Variants in TMEM131 observed in about 807,000 individuals in gnomAD.
The protein encoded by TMEM131 is 2610524E03Rik.
TMEM131 carries 66 observed loss-of-function variants against 211.6 expected under a neutral mutation model. The ratio of observed to expected loss-of-function variants is 0.31; its 90% CI spans 0.26 to 0.38. TMEM131 has a LOEUF of 0.38. Among genes scored for constraint, TMEM131 ranks in the 10% least tolerant of loss-of-function variants. The probability of loss-of-function intolerance (pLI) is 1.00; values close to 1 mark genes in which losing one functional copy is unlikely to be tolerated. For missense variants in TMEM131, 2,036 were observed against 2,299.3 expected, an observed-to-expected ratio of 0.89 and a Z score of 2.34; for synonymous variants, 844 against 841.3, an observed-to-expected ratio of 1.00 and a Z score of -0.06.
intron 4 of TMEM131, among the ~76,000 whole-genome samples, chr2:97,860,487 T>G (rs1229245949): frequency 6.6e-6 from 1 of 152,242 alleles, no homozygotes; most frequent in Non-Finnish European, 1.5e-5. Context: ...AAAGTATGCA[T>G]ATAAACCTCA....
At chr2:97,779,871 C>G (rs935611276) in intron 31 of TMEM131, among the ~76,000 whole-genome samples, 1 of 151,978 alleles carries the variant, frequency 6.6e-6, no homozygotes, top group Non-Finnish European at 1.5e-5. Flanking sequence ...TAAAATAAAA[C>G]TAGCTGGGTG....
Position 97,792,390 on chromosome 2 carries a change from G to A in TMEM131, c.4140C>T (p.Ser1380=), listed in dbSNP as rs976472521. 11 of 1,567,952 alleles carry A rather than the reference G, an allele frequency of 7.0e-6. No individual in the cohort carries two copies. In the African/African-American group the frequency reaches 8.2e-5, roughly 12 times the overall value. ...TEQPPSPLPK[S]KGKGKPLQRK... ...CCGGCAGTGGGAGATGATTACCTTT[G>A]CTTTTTGGCAATGGCGATGGAGGCT... Residue 1380 remains serine, a synonymous_variant, in exon 31 of 41, where the codon AGC becomes AGT. Transcript: ENST00000186436.
At chr2:97,869,539 G>A (rs141300997) in intron 4 of TMEM131, among the ~76,000 whole-genome samples, 1 of 152,338 alleles carries the variant, frequency 6.6e-6, no homozygotes, top group Non-Finnish European at 1.5e-5. Flanking sequence ...CAAGAACAGA[G>A]GGAAGCTGTC....
At position 97,792,962 on chromosome 2, in the gene TMEM131, G is replaced by A. The variant is rs1680576933; in HGVS notation, c.3568C>T (p.Pro1190Ser). ...EGNLNTLSCD[P>S]GHSRGFCGAG... ...CCACAGAACCCCCTACTGTGACCGGGGTCACAGCTGAGTGTGTTCAAGCTG... is the reference window on the plus strand; with the variant it reads ...CCACAGAACCCCCTACTGTGACCGGAGTCACAGCTGAGTGTGTTCAAGCTG... The change falls in exon 31 of 41, where the codon CCC becomes TCC. Residue 1190 changes from proline (P) to serine (S), a missense_variant. Pro to Ser is a moderately conservative substitution (Grantham distance 74). Transcript: ENST00000186436. 1 of 1,590,802 alleles carries A rather than the reference G, an allele frequency of 6.3e-7. No homozygotes were observed. The highest frequency in any genetic ancestry group is 1.3e-5 in the African/African-American group (1 of 74,308).
At chr2:97,818,356 TA>T (rs753114674) in intron 12 of TMEM131, among the ~76,000 whole-genome samples, 1 of 151,816 alleles carries the variant, frequency 6.6e-6, no homozygotes, top group Non-Finnish European at 1.5e-5. Flanking sequence ...ATTCCAATCC[TA>T]ATGTATTTGC....
At chr2:97,925,939 T>C (rs932924432) in intron 2 of TMEM131, among the ~76,000 whole-genome samples, 4 of 151,796 alleles carry the variant, frequency 2.6e-5, no homozygotes, top group African/African-American at 4.8e-5. Context: ...TGAAACCCCG[T>C]CTGTACTAAA....
chr2:97,784,335 CAACACATTTAAAAGAAGTGAAATCATTT>C (rs1166699898), intron 31 of TMEM131, among the ~76,000 whole-genome samples: 2 of 152,056 alleles, frequency 1.3e-5, no homozygotes, highest in Non-Finnish European at 2.9e-5. Context: ...AAACAAACCT[CAACACATTTAAAAGAAGTGAAATCATTT>C]AACACATTTA....
intron 1 of TMEM131, among the ~76,000 whole-genome samples, chr2:97,966,720 C>A (rs1447751806): frequency 2.0e-5 from 3 of 152,144 alleles, no homozygotes; most frequent in Admixed American, 2.0e-4. Flanking sequence ...TTACTACATA[C>A]CAAGCCCTAC....
chr2:97,973,539 A>G (rs537069329), intron 1 of TMEM131, among the ~76,000 whole-genome samples: 2 of 152,300 alleles, frequency 1.3e-5, no homozygotes, highest in South Asian at 2.1e-4. Context: ...AGAAAAGAAT[A>G]CCAAAATGGA....
intron 19 of TMEM131, among the ~76,000 whole-genome samples, chr2:97,806,423 C>A (rs954040343): frequency 1.3e-5 from 2 of 152,162 alleles, no homozygotes; most frequent in Non-Finnish European, 2.9e-5. Context: ...CACCTGTAGT[C>A]CCAGCTACTG....
intron 24 of TMEM131, 77 bp downstream of exon 24, chr2:97,802,351 A>C: frequency 9.7e-7 from 1 of 1,026,668 alleles, no homozygotes; most frequent in African/African-American, 3.2e-5. Flanking sequence ...ATGAGCTGCA[A>C]ATAAGGCTTT....
chr2:97,787,890 TCA>T (rs1680325950), intron 31 of TMEM131, among the ~76,000 whole-genome samples: 2 of 152,032 alleles, frequency 1.3e-5, no homozygotes, highest in African/African-American at 2.4e-5. Flanking sequence ...AACCTTACAC[TCA>T]CACCTCCTTT....
chr2:97,931,335 T>C (rs1677209303), intron 1 of TMEM131, among the ~76,000 whole-genome samples: 1 of 152,090 alleles, frequency 6.6e-6, no homozygotes, highest in African/African-American at 2.4e-5. Context: ...AAAATGTCAA[T>C]GTGTCAGTTG....
At chr2:97,769,406 TG>T (rs1679355970) in intron 33 of TMEM131, among the ~76,000 whole-genome samples, 1 of 152,220 alleles carries the variant, frequency 6.6e-6, no homozygotes, top group African/African-American at 2.4e-5. Context: ...GACTCAAGCC[TG>T]GCCTATTTTT....
In TMEM131 at chr2:97,802,731, G is replaced by A. The variant is rs964979870; in HGVS notation, c.2462C>T (p.Thr821Ile). 1.3e-6 allele frequency: 2 copies of A among 1,582,390 alleles called. No homozygotes were observed. The highest frequency in any genetic ancestry group is 1.4e-5 in the African/African-American group (1 of 72,830). Reference protein sequence around the residue: ...DLQKNIISKITAELSWPSILS... With the variant: ...DLQKNIISKIIAELSWPSILS... Reference sequence around the variant, plus strand: ...TATGGAAGGCCAGGAGAGCTCAGCAGTGATTTTTGATATTATATTTTTTTG... The same window carrying A: ...TATGGAAGGCCAGGAGAGCTCAGCAATGATTTTTGATATTATATTTTTTTG... Residue 821 changes from threonine to isoleucine, a missense_variant, in exon 23 of 41, where the codon ACT (threonine) becomes ATT (isoleucine). By Grantham distance (89) the Thr-to-Ile change is moderately conservative. This residue lies in a region of TMEM131 where 1,623 missense variants were observed against 1,805.9 expected (regional missense o/e 0.90). Coordinates refer to ENST00000186436, the MANE Select transcript of TMEM131 (RefSeq NM_015348.2).
chr2:97,802,766 A>G lies in TMEM131; in HGVS notation c.2427T>C (p.Asn809=). ...ATATTATATTTTTTTGAAGGTCTGT[A>G]TTTACTTCAAATATAGCACTCAATC... ...GHRLSAIFEV[N]TDLQKNIISK... Residue 809 remains asparagine, a synonymous_variant, in exon 23 of 41, where the codon AAT becomes AAC. Coordinates refer to ENST00000186436, the MANE Select transcript of TMEM131 (RefSeq NM_015348.2). The G allele has an allele frequency of 6.4e-7, 1 of 1,566,048 alleles. No homozygotes were observed. The highest frequency in any genetic ancestry group is 2.3e-5 in the East Asian group (1 of 44,196).
intron 4 of TMEM131, among the ~76,000 whole-genome samples, chr2:97,869,197 T>C (rs775691372): frequency 6.6e-6 from 1 of 152,222 alleles, no homozygotes; most frequent in Non-Finnish European, 1.5e-5. Context: ...TGTTTTTCCT[T>C]GTGTAACTTT....
At chr2:97,945,845 A>G (rs1177064861) in intron 1 of TMEM131, among the ~76,000 whole-genome samples, 1 of 152,160 alleles carries the variant, frequency 6.6e-6, no homozygotes, top group Non-Finnish European at 1.5e-5. Flanking sequence ...GTTTGAACAC[A>G]TTCACTCTTT....
At chr2:97,872,556 A>T (rs1674532231) in intron 4 of TMEM131, among the ~76,000 whole-genome samples, 1 of 151,938 alleles carries the variant, frequency 6.6e-6, no homozygotes, top group Non-Finnish European at 1.5e-5. Flanking sequence ...CTACATTTCC[A>T]ACTGGGACTG....
Sources: gnomAD v4.1 joint callset for allele counts (sites outside exome capture counted in the v4.1 genomes callset) on GRCh38, gnomAD v4.1.1 for gene constraint, gnomAD v4.1.1 regional missense constraint, MANE v1.5 for transcripts, NCBI Gene and HGNC (gene_info 2026-07-23, HGNC 2026-07-21) for gene names.